ITSN1: variants seen among roughly 807,000 people sequenced by gnomAD.
ITSN1 encodes the protein intersectin-1.
In ITSN1, 58 loss-of-function variants were observed where a neutral mutation model predicts 239.8. The ratio of observed to expected loss-of-function variants is 0.24; its 90% CI spans 0.20 to 0.30. The LOEUF (loss-of-function observed/expected upper bound fraction) is 0.30. ITSN1 is among the 10% of genes least tolerant of loss of function. The pLI, the probability that ITSN1 is intolerant of heterozygous loss-of-function variation, is 1.00. For synonymous variants in ITSN1, 780 were observed against 770.8 expected (o/e 1.01, Z -0.20); for missense variants, 1,558 against 2,103.3 (o/e 0.74, Z 5.07).
rs955413654 is a variant in ITSN1, at chr21:33,856,797, C to T, written c.3723C>T (p.Tyr1241=). The T allele has an allele frequency of 1.2e-6, 2 of 1,614,136 alleles. No homozygotes were observed. Among genetic ancestry groups the T allele is most frequent in the Admixed American group, 1.7e-5 (1 of 60,016 alleles). The part of the protein sequence containing the change: ...LTPTERKRQG[Y]IHELIVTEEN... ...CAACTGAAAGAAAGCGACAAGGATA[C>T]ATCCACGAGCTCATTGTCACCGAGG... The change falls in exon 30 of 40, where the codon TAC becomes TAT. Residue 1241 remains tyrosine, a synonymous_variant. Transcript: ENST00000381318.
intron 25 of ITSN1, 56 bp from the exon 26 acceptor site, chr21:33,826,762 A>C: frequency 1.3e-6 from 2 of 1,524,036 alleles, no homozygotes; most frequent in Non-Finnish European, 1.8e-6. Flanking sequence ...AATCGTTTTT[A>C]AAGTTGCATG....
chr21:33,762,207 A>G (rs1157367117), intron 9 of ITSN1, among the ~76,000 whole-genome samples: 2 of 152,148 alleles, frequency 1.3e-5, no homozygotes, highest in African/African-American at 4.8e-5. Flanking sequence ...AGGAGTGATA[A>G]TACAACTTAA....
At chr21:33,862,672 T>C (rs8128148) in intron 31 of ITSN1, among the ~76,000 whole-genome samples, 15,372 of 151,684 alleles carry the variant, frequency 0.1, 2,434 homozygotes, top group African/African-American at 0.34. Flanking sequence ...TGGCGGGAGG[T>C]GGGTTGGGGC....
Position 33,893,102 on chromosome 21 carries a change from G to C in ITSN1, c.*4802G>C, listed in dbSNP as rs1986469824. 1 of 152,296 alleles carries C rather than the reference G, an allele frequency of 6.6e-6. No homozygotes were observed. The highest frequency in any genetic ancestry group is 1.9e-4 in the East Asian group (1 of 5,188). 9.4% of individuals were successfully genotyped at this position (152,296 alleles called of 1,614,324 possible). On this transcript the variant is annotated 3_prime_UTR_variant, in exon 40 of 40. Transcript: ENST00000381318. ...TTTGCATCCCCTGCCACTGCCATGT[G>C]CCTGCCAGCCCGGTTTCTGATGAAG... is the stretch of plus-strand genomic sequence containing the variant.
chr21:33,710,289 A>G (rs982959018), intron 1 of ITSN1, among the ~76,000 whole-genome samples: 37 of 151,918 alleles, frequency 2.4e-4, no homozygotes, highest in African/African-American at 8.9e-4. Flanking sequence ...CGTGTTAGCC[A>G]GGATGGTCTC....
intron 1 of ITSN1, among the ~76,000 whole-genome samples, chr21:33,715,376 T>TA (rs1430871585): frequency 6.6e-6 from 1 of 152,014 alleles, no homozygotes; most frequent in South Asian, 2.1e-4. Context: ...TGCAACACAG[T>TA]AAAAAAATGG....
At position 33,732,206 on chromosome 21, in the gene ITSN1, G is replaced by T. The variant is rs185872275; in HGVS notation, c.186-2838G>T. ...AAGCCTCCCGGTAGTAGACTTCAGA[G>T]AAAATAGATGGTAAATATTTCTTAT... On this transcript the variant is annotated intron_variant, in intron 4 of 39. Transcript: ENST00000381318. Among the ~76,000 whole-genome samples, 420 of 152,272 alleles carry T rather than the reference G, an allele frequency of 2.8e-3. 1 individual carries two copies. The highest frequency in any genetic ancestry group is 4.8e-3 in the Non-Finnish European group (326 of 68,024).
chr21:33,871,371 A>G (rs1982687749), intron 33 of ITSN1, among the ~76,000 whole-genome samples: 1 of 151,944 alleles, frequency 6.6e-6, no homozygotes, highest in African/African-American at 2.4e-5. Flanking sequence ...AGAAGAGGGG[A>G]AAGAGCTATG....
At chr21:33,708,977 C>T (rs1242504230) in intron 1 of ITSN1, among the ~76,000 whole-genome samples, 2 of 152,250 alleles carry the variant, frequency 1.3e-5, no homozygotes, top group East Asian at 3.9e-4. Context: ...ACGGGTAGGT[C>T]TTTCTGAACT....
intron 29 of ITSN1, chr21:33,836,884 A>G: frequency 1.1e-6 from 1 of 879,478 alleles, no homozygotes; most frequent in South Asian, 1.7e-5. Context: ...TTTTTTTTAA[A>G]TCATTTTGGC....
intron 20 of ITSN1, among the ~76,000 whole-genome samples, chr21:33,807,678 C>G (rs1222718802): frequency 6.6e-6 from 1 of 152,036 alleles, no homozygotes; most frequent in Non-Finnish European, 1.5e-5. Context: ...AACAATAGAT[C>G]ATGGGACATA....
intron 1 of ITSN1, among the ~76,000 whole-genome samples, chr21:33,653,258 G>A (rs2088714518): frequency 6.6e-6 from 1 of 152,078 alleles, no homozygotes; most frequent in South Asian, 2.1e-4. Flanking sequence ...GCCTCCCAAA[G>A]TGCTGGGATT....
intron 4 of ITSN1, among the ~76,000 whole-genome samples, 174 bp downstream of exon 4, chr21:33,722,825 A>G (rs1376075856): frequency 1.3e-5 from 2 of 152,178 alleles, no homozygotes; most frequent in Admixed American, 6.5e-5. Context: ...TCTTTCTCAT[A>G]TGGAACTAAA....
intron 4 of ITSN1, among the ~76,000 whole-genome samples, chr21:33,727,172 G>T (rs1845890750): frequency 6.6e-6 from 1 of 151,968 alleles, no homozygotes; most frequent in Non-Finnish European, 1.5e-5. Flanking sequence ...CCTAGAAATT[G>T]TCTTATTAAT....
At chr21:33,778,571 CTTTTTTT>C (rs397948229) in intron 14 of ITSN1, among the ~76,000 whole-genome samples, 3 of 63,940 alleles carry the variant, frequency 4.7e-5, no homozygotes, top group Admixed American at 2.6e-4. Context: ...ATAATATTCT[CTTTTTTT>C]TTTTTTTTTT....
At chr21:33,761,751 C>T (rs2068343433) in intron 8 of ITSN1, among the ~76,000 whole-genome samples, 172 bp from the exon 9 acceptor site, 2 of 152,278 alleles carry the variant, frequency 1.3e-5, no homozygotes, top group Middle Eastern at 6.8e-3. Context: ...TCCTCTTTTT[C>T]ATTGGGGCTT....
intron 29 of ITSN1, among the ~76,000 whole-genome samples, chr21:33,849,634 G>T (rs1380970017): frequency 6.7e-6 from 1 of 149,652 alleles, no homozygotes; most frequent in African/African-American, 2.4e-5. Context: ...TAATTTAATT[G>T]TACATTTAAA....
intron 8 of ITSN1, among the ~76,000 whole-genome samples, chr21:33,757,402 G>A (rs573757939): frequency 2.0e-5 from 3 of 152,152 alleles, no homozygotes; most frequent in African/African-American, 7.2e-5. Context: ...TTTTGATATT[G>A]TTTATCTGCA....
At chr21:33,871,597 T>G (rs1342211135) in intron 33 of ITSN1, among the ~76,000 whole-genome samples, 1 of 151,848 alleles carries the variant, frequency 6.6e-6, no homozygotes, top group Non-Finnish European at 1.5e-5. Flanking sequence ...AAAAATTAGC[T>G]GGGCATGGTG....
Sources: gnomAD v4.1 joint callset for allele counts (sites outside exome capture counted in the v4.1 genomes callset) on GRCh38, gnomAD v4.1.1 for gene constraint, MANE v1.5 for transcripts, NCBI Gene and HGNC (gene_info 2026-07-23, HGNC 2026-07-21) for gene names.